MEGF11: variants seen among roughly 807,000 people sequenced by gnomAD.
MEGF11 encodes the protein multiple EGF like domains 11.
In MEGF11, 126 loss-of-function variants were observed where a neutral mutation model predicts 146.6. The ratio of observed to expected loss-of-function variants is 0.86; its 90% CI spans 0.74 to 1.00. MEGF11 has a LOEUF of 1.00. MEGF11 is among the 50% of genes least tolerant of loss of function. The pLI, the probability that MEGF11 is intolerant of heterozygous loss-of-function variation, is 0.00. For synonymous variants in MEGF11, 532 were observed against 583.4 expected (o/e 0.91, Z 1.27); for missense variants, 1,509 against 1,521.2 (o/e 0.99, Z 0.13).
In MEGF11 at chr15:65,965,108, C is replaced by T; in HGVS notation, c.912G>A (p.Glu304=). 1.9e-6 allele frequency: 3 copies of T among 1,590,300 alleles called. No homozygotes were observed. The highest frequency in any genetic ancestry group is 2.3e-5 in the South Asian group (2 of 87,800). Residue 304 remains glutamate (E), a synonymous_variant, in exon 9 of 26, where the codon GAG becomes GAA. Coordinates refer to ENST00000395614, the MANE Select transcript of MEGF11 (RefSeq NM_001385028.1). ...AGYMGDRCQE[E]CPFGSFGFQC... ...GGAAGCCGAAGGACCCGAAGGGGCACTCCTCTTGGCACCTGTGGGAGAGCA... is the reference window on the plus strand; with the variant it reads ...GGAAGCCGAAGGACCCGAAGGGGCATTCCTCTTGGCACCTGTGGGAGAGCA...
chr15:65,955,758 AAAAATATAT>A (rs1435935547), intron 10 of MEGF11, among the ~76,000 whole-genome samples: 1 of 17,998 alleles, frequency 5.6e-5, no homozygotes, highest in African/African-American at 1.4e-4. Context: ...AAAAAAAAAA[AAAAATATAT>A]ATATATATAT....
At chr15:66,132,506 C>G (rs1388622081) in intron 1 of MEGF11, among the ~76,000 whole-genome samples, 1 of 152,224 alleles carries the variant, frequency 6.6e-6, no homozygotes, top group South Asian at 2.1e-4. Flanking sequence ...TCCCGTGATC[C>G]TTTGCTTCTC....
At chr15:66,137,687 G>C (rs1454128536) in intron 1 of MEGF11, among the ~76,000 whole-genome samples, 1 of 151,466 alleles carries the variant, frequency 6.6e-6, no homozygotes, top group Non-Finnish European at 1.5e-5. Context: ...CCTAGTAGCT[G>C]GGACCACAGG....
chr15:66,187,379 C>A (rs1386745180), intron 1 of MEGF11, among the ~76,000 whole-genome samples: 1 of 152,176 alleles, frequency 6.6e-6, no homozygotes, highest in African/African-American at 2.4e-5. Context: ...GGGAGCCCAG[C>A]TCCCTGTCCA....
chr15:66,141,908 G>C (rs1411560811), intron 1 of MEGF11, among the ~76,000 whole-genome samples: 1 of 152,142 alleles, frequency 6.6e-6, no homozygotes, highest in Non-Finnish European at 1.5e-5. Flanking sequence ...GCCTCAAAAG[G>C]GGATAAGCCC....
At chr15:65,925,521 T>TA (rs2079341253) in intron 13 of MEGF11, among the ~76,000 whole-genome samples, 1 of 152,196 alleles carries the variant, frequency 6.6e-6, no homozygotes, top group South Asian at 2.1e-4. Flanking sequence ...AACTTACTGA[T>TA]ATGATCAAAG....
chr15:65,909,993 G>A (rs1476575978), intron 21 of MEGF11, 187 bp from the exon 22 acceptor site: 1 of 696,848 alleles, frequency 1.4e-6, no homozygotes, highest in East Asian at 2.7e-5. Flanking sequence ...GATGCTAGTG[G>A]GAATAGAACA....
intron 21 of MEGF11, 107 bp from the exon 22 acceptor site, chr15:65,909,913 C>T (rs1474547215): frequency 7.1e-6 from 7 of 985,872 alleles, no homozygotes; most frequent in Non-Finnish European, 1.1e-5. Context: ...AATCCTGACC[C>T]ACCTGGGTCC....
Position 65,938,337 on chromosome 15 carries a change from T to TTA in MEGF11, c.1288-7395_1288-7394insTA, listed in dbSNP as rs1567166541. On this transcript the variant is annotated intron_variant, in intron 10 of 25. Transcript: ENST00000395614. Reference sequence around the variant, plus strand: ...CCTAGCTCCCATTTGGGTCACAGGATGCTAACAGCCTAAATGTGGGAATTC... The same window carrying TTA: ...CCTAGCTCCCATTTGGGTCACAGGATTAGCTAACAGCCTAAATGTGGGAATTC... Among the ~76,000 whole-genome samples, 12 of 152,372 alleles carry TTA rather than the reference T, an allele frequency of 7.9e-5. 1 individual carries two copies. The East Asian group carries it at 2.3e-3, about 29-fold the overall frequency.
chr15:66,198,241 G>GA (rs546188846), intron 1 of MEGF11, among the ~76,000 whole-genome samples: 42 of 152,322 alleles, frequency 2.8e-4, no homozygotes, highest in Middle Eastern at 6.8e-3. Flanking sequence ...CAGAGGCGGG[G>GA]AGATTCTTTT....
intron 1 of MEGF11, among the ~76,000 whole-genome samples, chr15:66,181,266 C>T (rs1398518768): frequency 6.6e-6 from 1 of 152,188 alleles, no homozygotes; most frequent in Non-Finnish European, 1.5e-5. Context: ...GACAGGGTCT[C>T]ACTCTGTCGC....
chr15:65,968,218 C>T (rs2081179867), intron 8 of MEGF11, among the ~76,000 whole-genome samples: 2 of 152,076 alleles, frequency 1.3e-5, no homozygotes, highest in South Asian at 4.2e-4. Context: ...GAAACTGAGG[C>T]AGAAGGGGAG....
chr15:66,125,580 T>A (rs952327356), intron 2 of MEGF11, among the ~76,000 whole-genome samples: 3 of 152,182 alleles, frequency 2.0e-5, no homozygotes, highest in African/African-American at 7.2e-5. Flanking sequence ...TCTAACCAGG[T>A]TGTGTGGTTA....
At chr15:66,029,376 T>G (rs1426744347) in intron 5 of MEGF11, among the ~76,000 whole-genome samples, 1 of 152,166 alleles carries the variant, frequency 6.6e-6, no homozygotes, top group Non-Finnish European at 1.5e-5. Flanking sequence ...TGAGAAGTCT[T>G]CCTCTTTACA....
chr15:66,138,778 A>G (rs1452363806), intron 1 of MEGF11, among the ~76,000 whole-genome samples: 1 of 152,218 alleles, frequency 6.6e-6, no homozygotes, highest in Non-Finnish European at 1.5e-5. Flanking sequence ...CCCAAGGTTG[A>G]GATGCCAAAG....
intron 1 of MEGF11, among the ~76,000 whole-genome samples, chr15:66,139,560 T>G (rs569512782): frequency 6.6e-6 from 1 of 151,472 alleles, no homozygotes; most frequent in Admixed American, 6.6e-5. Flanking sequence ...TTTAGTGGAT[T>G]ATGAAAGAAG....
At chr15:65,997,904 C>A (rs147481851) in intron 5 of MEGF11, among the ~76,000 whole-genome samples, 1 of 151,934 alleles carries the variant, frequency 6.6e-6, no homozygotes, top group Non-Finnish European at 1.5e-5. Flanking sequence ...CACTGAGAAC[C>A]GAAGAATGAG....
rs1192860615 is a variant in MEGF11 at position 65,928,540 on chromosome 15, CAGGG to C, written c.1573-17_1573-14del. The C allele has an allele frequency of 3.8e-6, 6 of 1,567,080 alleles. No individual in the cohort carries two copies. Among genetic ancestry groups the C allele is most frequent in the African/African-American group, 1.4e-5 (1 of 73,846 alleles). ...CAAATGTGCCATCCTGTGGAGAAGA[CAGGG>C]AGAGAAAAATGATCAGACCCAAACC... On this transcript the variant is annotated splice_polypyrimidine_tract_variant and intron_variant, in intron 12 of 25. Transcript: ENST00000395614.
chr15:65,982,123 A>T lies in MEGF11; in HGVS notation c.641+119T>A. ...CAGGGCTGGGCGTGCAGCTGCGGTG[A>T]GGGCAGCCACTCCAGGCCCCGCCCC... On this transcript the variant is annotated intron_variant, in intron 6 of 25. Transcript: ENST00000395614. The surrounding 1 kb of genome is among the most constrained non-coding windows in gnomAD (Gnocchi z 5.6). 5.8e-6 allele frequency: 7 copies of T among 1,204,506 alleles called. No homozygotes were observed. The highest frequency in any genetic ancestry group is 6.6e-6 in the Non-Finnish European group (6 of 914,606). The allele number at this position is 1,204,506 out of a possible 1,614,324, so 74.6% of individuals were successfully genotyped here.
Sources: gnomAD v4.1 joint callset for allele counts (sites outside exome capture counted in the v4.1 genomes callset) on GRCh38, gnomAD v4.1.1 for gene constraint, Gnocchi (gnomAD v3.1) non-coding constraint, MANE v1.5 for transcripts, NCBI Gene and HGNC (gene_info 2026-07-23, HGNC 2026-07-21) for gene names.